The following HHIPL2 variants were observed in gnomAD, a reference collection of about 807,000 sequenced individuals.
HHIPL2 encodes the protein HHIP like 2, also known as HHIP-like protein 2.
In HHIPL2, 61 loss-of-function variants were observed where a neutral mutation model predicts 61.0. That is an observed-to-expected ratio of 1.00 (90% CI 0.81 to 1.24). The LOEUF is 1.24. HHIPL2 is among the 50% of genes most tolerant of loss of function. HHIPL2 has a pLI of 0.00. For synonymous variants in HHIPL2, 343 were observed against 357.4 expected (o/e 0.96, Z 0.45); for missense variants, 885 against 910.2 (o/e 0.97, Z 0.36).
rs750493552 is a variant in HHIPL2, at chr1:222,547,884, G to A, written c.161C>T (p.Pro54Leu). Residue 54 changes from proline to leucine, a missense_variant, in exon 1 of 9, where the codon CCC becomes CTC. By Grantham distance (98) the Pro-to-Leu change is moderately conservative (BLOSUM62 -3). Transcript: ENST00000343410. ...QCLDYGPPFQ[P>L]PLHLEFCSDY... ...AGAGCAAAACTCAAGGTGCAGAGGG[G>A]GCTGGAAAGGGGGCCCGTAATCCAG... 4 of 1,614,102 alleles carry A rather than the reference G, an allele frequency of 2.5e-6. No individual in the cohort carries two copies. In the South Asian group the frequency reaches 3.3e-5, roughly 13 times the overall value.
rs1369683791 is a variant in HHIPL2, at chr1:222,547,695, C to T, written c.321+29G>A. 3 of 1,587,558 alleles carry T rather than the reference C, an allele frequency of 1.9e-6. No individual in the cohort carries two copies. In the African/African-American group the frequency reaches 4.0e-5, roughly 21 times the overall value. The stretch of plus-strand genomic sequence containing the variant: ...ACACCATGCAGCCCAGCACCCAAAC[C>T]CCTGGGGCTGGAAGGCACTTTTCAC... On this transcript the variant is annotated intron_variant, in intron 1 of 8. Coordinates refer to ENST00000343410, the MANE Select transcript of HHIPL2 (RefSeq NM_024746.4).
chr1:222,543,819 C>T lies in HHIPL2; in HGVS notation c.692G>A (p.Arg231His). Residue 231 changes from arginine (R) to histidine (H), a missense_variant, in exon 2 of 9, where the codon CGC (arginine) becomes CAC (histidine). By Grantham distance (29) the Arg-to-His change is conservative. Transcript: ENST00000343410. ...SMVHAGDGTHRFFVAEQVGVV... is the reference protein window; with the variant it reads ...SMVHAGDGTHHFFVAEQVGVV... Reference sequence around the variant, plus strand: ...TCCTACCTGCTCGGCAACAAAGAAGCGATGGGTGCCGTCCCCAGCATGGAC... The same window carrying T: ...TCCTACCTGCTCGGCAACAAAGAAGTGATGGGTGCCGTCCCCAGCATGGAC... The T allele has an allele frequency of 6.2e-7, 1 of 1,614,120 alleles. No individual in the cohort carries two copies. The highest frequency in any genetic ancestry group is 8.5e-7 in the Non-Finnish European group (1 of 1,180,014).
rs536078205 is a variant in HHIPL2 at position 222,537,557 on chromosome 1, G to A, written c.1577+1091C>T. Among the ~76,000 whole-genome samples, 155 of 151,438 alleles carry A rather than the reference G, an allele frequency of 1.0e-3. No homozygotes were observed. In the Middle Eastern group the frequency reaches 0.014, roughly 13 times the overall value. ...GAGGCAGGAGAATGGCGTGAACCCC[G>A]GGAGGTGGAGCTTGCAGTGAGCCGA... On this transcript the variant is annotated intron_variant, in intron 5 of 8. Coordinates refer to ENST00000343410, the MANE Select transcript of HHIPL2 (RefSeq NM_024746.4).
rs972334709 is a variant in HHIPL2, at chr1:222,548,100, T to C, written c.-56A>G. ...TTTGCTCAGGTTGGCTTCCCTGCTC[T>C]GCCCAAGGTCCTCCCTCTCTTCCTC... On this transcript the variant is annotated 5_prime_UTR_variant, in exon 1 of 9. Transcript: ENST00000343410. The C allele has an allele frequency of 8.0e-7, 1 of 1,251,846 alleles. No individual in the cohort carries two copies. Among genetic ancestry groups the C allele is most frequent in the Non-Finnish European group, 1.1e-6 (1 of 901,544 alleles). The allele number at this position is 1,251,846 out of a possible 1,614,324, so 77.5% of individuals were successfully genotyped here. A position where few individuals can be genotyped will look rare whatever the true frequency, so the allele number is the denominator to read the frequency against.
At chr1:222,544,505 CTCTT>C (rs1310262175) in intron 1 of HHIPL2, among the ~76,000 whole-genome samples, 3 of 152,050 alleles carry the variant, frequency 2.0e-5, no homozygotes, top group Admixed American at 6.6e-5. Context: ...ATTTCTAGAT[CTCTT>C]TCTTATTTTT....
At position 222,543,728 on chromosome 1, in the gene HHIPL2, G is replaced by T. The variant is rs374204425; in HGVS notation, c.783C>A (p.Ile261=). 13 of 1,614,056 alleles carry T rather than the reference G, an allele frequency of 8.1e-6. No individual in the cohort carries two copies. In the Admixed American group the frequency reaches 1.2e-4, roughly 14 times the overall value. ...LEQPFLDLKN[I]VLTTPWIGDE... ...CCCCGATCCATGGGGTGGTCAACACGATGTTCTTGAGGTCCAGGAAGGGTT... is the reference window on the plus strand; with the variant it reads ...CCCCGATCCATGGGGTGGTCAACACTATGTTCTTGAGGTCCAGGAAGGGTT... Residue 261 remains isoleucine (I), a synonymous_variant, in exon 2 of 9, where the codon ATC becomes ATA. Coordinates refer to ENST00000343410, the MANE Select transcript of HHIPL2 (RefSeq NM_024746.4).
intron 7 of HHIPL2, 96 bp from the exon 8 acceptor site, chr1:222,523,790 G>A (rs2102607574): frequency 8.6e-7 from 1 of 1,165,502 alleles, no homozygotes; most frequent in Non-Finnish European, 1.3e-6. Flanking sequence ...AAGAATTGGG[G>A]TCAGCCTTTA....
intron 2 of HHIPL2, 74 bp downstream of exon 2, chr1:222,543,463 C>CT: frequency 7.2e-7 from 1 of 1,392,094 alleles, no homozygotes; most frequent in Non-Finnish European, 9.9e-7. Context: ...AAGTTCCCCT[C>CT]TATTATCTCG....
At chr1:222,546,047 A>AAACTAAATAAATAAATAAAT (rs1553271590) in intron 1 of HHIPL2, among the ~76,000 whole-genome samples, 1 of 141,280 alleles carries the variant, frequency 7.1e-6, no homozygotes, top group East Asian at 2.1e-4. Flanking sequence ...TCTGTCTCAA[A>AAACTAAATAAATAAATAAAT]AAATAAATAA....
chr1:222,536,183 G>GA (rs1039307110), intron 5 of HHIPL2, among the ~76,000 whole-genome samples: 7 of 151,220 alleles, frequency 4.6e-5, no homozygotes, highest in African/African-American at 1.5e-4. Flanking sequence ...AAAATAACAG[G>GA]AAAAAAATCA....
At chr1:222,531,844 T>C in intron 6 of HHIPL2, 122 bp downstream of exon 6, 1 of 850,760 alleles carries the variant, frequency 1.2e-6, no homozygotes, top group South Asian at 2.6e-5. Context: ...TTATAAAAGA[T>C]GACTAAACGA....
chr1:222,545,842 C>G (rs1383664137), intron 1 of HHIPL2, among the ~76,000 whole-genome samples: 1 of 151,752 alleles, frequency 6.6e-6, no homozygotes, highest in East Asian at 1.9e-4. Flanking sequence ...ACCAGCCTGG[C>G]CAACATGGTG....
chr1:222,538,413 GAGAGAGAGAC>G (rs1166292499), intron 5 of HHIPL2, among the ~76,000 whole-genome samples: 1 of 123,576 alleles, frequency 8.1e-6, no homozygotes. Context: ...CCCCTGGTAT[GAGAGAGAGAC>G]AGAGAGAGAG....
chr1:222,547,804 G>A lies in HHIPL2; in HGVS notation c.241C>T (p.Arg81Trp), dbSNP rs765589967. ...DQHKDRRIAARYWDIMEYFDL... is the reference protein window; with the variant it reads ...DQHKDRRIAAWYWDIMEYFDL... Reference sequence around the variant, plus strand: ...AAATATTCCATGATGTCCCAGTACCGGGCAGCGATGCGGCGGTCCTTGTGC... The same window carrying A: ...AAATATTCCATGATGTCCCAGTACCAGGCAGCGATGCGGCGGTCCTTGTGC... Residue 81 changes from arginine (R) to tryptophan (W), a missense_variant, in exon 1 of 9, where the codon CGG becomes TGG. Coordinates refer to ENST00000343410, the MANE Select transcript of HHIPL2 (RefSeq NM_024746.4). 1.3e-5 allele frequency: 21 copies of A among 1,614,002 alleles called. No individual in the cohort carries two copies. Among genetic ancestry groups the A allele is most frequent in the East Asian group, 4.5e-5 (2 of 44,882 alleles).
rs1248329141 is a variant in HHIPL2 at position 222,522,768 on chromosome 1, C to G, written c.2008G>C (p.Ala670Pro). 6.2e-7 allele frequency: 1 copy of G among 1,614,184 alleles called. No homozygotes were observed. Among genetic ancestry groups the G allele is most frequent in the African/African-American group, 1.3e-5 (1 of 75,054 alleles). Residue 670 changes from alanine to proline, a missense_variant, in exon 9 of 9, where the codon GCT becomes CCT. By Grantham distance (27) the Ala-to-Pro change is conservative. Transcript: ENST00000343410. ...LSEKGSSKKL[A>P]SPTSSKNTLR... The stretch of plus-strand genomic sequence containing the variant: ...GTATTCTTGCTGCTTGTAGGAGAAG[C>G]CAGCTTCTTGGAGGAGCCTTTCTCA...
At position 222,547,942 on chromosome 1, in the gene HHIPL2, G is replaced by A. The variant is rs1306444434; in HGVS notation, c.103C>T (p.Gln35Ter). Residue 35 changes from glutamine to a stop codon, truncating the protein, a stop_gained, in exon 1 of 9, where the codon CAG (glutamine) becomes TAG (stop). Transcript: ENST00000343410. LOFTEE classifies it high-confidence loss of function. ...LCLCLIFLLG[Q>*]VGLLQGHPQC... ...GGGTGTCCCTGCAGCAAGCCCACCT[G>A]GCCCAACAAGAATATGAGGCAGAGG... is the stretch of plus-strand genomic sequence containing the variant. The A allele has an allele frequency of 6.2e-7, 1 of 1,612,992 alleles. No homozygotes were observed. Among genetic ancestry groups the A allele is most frequent in the South Asian group, 1.1e-5 (1 of 90,990 alleles).
At chr1:222,526,922 A>G in intron 7 of HHIPL2, 47 bp downstream of exon 7, 1 of 1,483,764 alleles carries the variant, frequency 6.7e-7, no homozygotes, top group Non-Finnish European at 9.4e-7. Flanking sequence ...CATGGAGATA[A>G]GAAATGAGAA....
rs563813115 is a variant in HHIPL2 at position 222,543,967 on chromosome 1, G to T, written c.544C>A (p.Pro182Thr). 1.9e-6 allele frequency: 3 copies of T among 1,614,184 alleles called. No individual in the cohort carries two copies. In the East Asian group the frequency reaches 6.7e-5, roughly 36 times the overall value. ...LDLPDKDYCFPNVLRNDYLNR... is the reference protein window; with the variant it reads ...LDLPDKDYCFTNVLRNDYLNR... ...AGATAGTCGTTCCTCAGGACATTAGGGAAGCAATAGTCCTTGTCAGGAAGG... is the reference window on the plus strand; with the variant it reads ...AGATAGTCGTTCCTCAGGACATTAGTGAAGCAATAGTCCTTGTCAGGAAGG... Residue 182 changes from proline to threonine, a missense_variant, in exon 2 of 9, where the codon CCT (proline) becomes ACT (threonine). Coordinates refer to ENST00000343410, the MANE Select transcript of HHIPL2 (RefSeq NM_024746.4).
intron 3 of HHIPL2, among the ~76,000 whole-genome samples, chr1:222,541,478 T>C (rs1294222060): frequency 6.6e-6 from 1 of 152,222 alleles, no homozygotes; most frequent in Non-Finnish European, 1.5e-5. Flanking sequence ...AAAGACTCCC[T>C]TGTGCCAGGC....
Sources: gnomAD v4.1 joint callset for allele counts (sites outside exome capture counted in the v4.1 genomes callset) on GRCh38, gnomAD v4.1.1 for gene constraint, MANE v1.5 for transcripts, NCBI Gene and HGNC (gene_info 2026-07-23, HGNC 2026-07-21) for gene names.